MINDY2: variants seen among roughly 807,000 people sequenced by gnomAD.
The protein encoded by MINDY2 is MINDY lysine 48 deubiquitinase 2.
In MINDY2, 52 loss-of-function variants were observed where a neutral mutation model predicts 68.2. The observed-to-expected ratio is 0.76, with a 90% CI of 0.61 to 0.96. MINDY2 has a LOEUF of 0.96. MINDY2 is among the 40% of genes least tolerant of loss of function. The pLI, the probability that MINDY2 is intolerant of heterozygous loss-of-function variation, is 0.00. For synonymous variants in MINDY2, 372 were observed against 303.0 expected, an observed-to-expected ratio of 1.23 and a Z score of -2.36; for missense variants, 881 against 773.4, an observed-to-expected ratio of 1.14 and a Z score of -1.65.
chr15:58,832,005 AT>A, intron 6 of MINDY2, 89 bp downstream of exon 6: 2 of 1,163,818 alleles, frequency 1.7e-6, no homozygotes, highest in Non-Finnish European at 2.3e-6. Flanking sequence ...TAAATAAAAG[AT>A]TTTAGCGTAA....
At chr15:58,776,949 A>C (rs1389301527) in intron 1 of MINDY2, among the ~76,000 whole-genome samples, 2 of 152,198 alleles carry the variant, frequency 1.3e-5, no homozygotes, top group South Asian at 2.1e-4. Context: ...TTGAACTAAT[A>C]AGTAGTAACT....
At chr15:58,800,664 T>C (rs75618038) in intron 2 of MINDY2, among the ~76,000 whole-genome samples, 1 of 141,094 alleles carries the variant, frequency 7.1e-6, no homozygotes, top group Non-Finnish European at 1.6e-5. Flanking sequence ...CCAGTTTAGC[T>C]TTTTTTTTTT....
chr15:58,809,719 A>G (rs1347850973), intron 3 of MINDY2, among the ~76,000 whole-genome samples: 2 of 152,200 alleles, frequency 1.3e-5, no homozygotes, highest in East Asian at 1.9e-4. Flanking sequence ...ATTGTTTTAT[A>G]TATATACATG....
chr15:58,855,661 C>T lies in MINDY2; in HGVS notation c.*1051C>T, dbSNP rs1414620017. 1 of 152,500 alleles carries T rather than the reference C, an allele frequency of 6.6e-6. No individual in the cohort carries two copies. The highest frequency in any genetic ancestry group is 1.5e-5 in the Non-Finnish European group (1 of 68,062). The allele number at this position is 152,500 out of a possible 1,614,324, so 9.4% of individuals were successfully genotyped here. A position where few individuals can be genotyped will look rare whatever the true frequency, so the allele number is the denominator to read the frequency against. ...AAGGGCCGGGCGCAGTGGCTCACGC[C>T]TGTAATCCCAACATTTTGGGAGGCC... On this transcript the variant is annotated 3_prime_UTR_variant, in exon 9 of 9. Transcript: ENST00000559228.
chr15:58,812,003 A>G (rs2030311690), intron 4 of MINDY2, among the ~76,000 whole-genome samples: 1 of 152,230 alleles, frequency 6.6e-6, no homozygotes, highest in Admixed American at 6.5e-5. Context: ...GTAAACTTTA[A>G]AAGAAAAAGA....
At chr15:58,840,897 T>C (rs1472673928) in intron 6 of MINDY2, among the ~76,000 whole-genome samples, 5 of 149,570 alleles carry the variant, frequency 3.3e-5, no homozygotes, top group African/African-American at 1.2e-4. Context: ...CTCGATCTCC[T>C]GACCTCGTGA....
chr15:58,783,243 G>A (rs1434447157), intron 1 of MINDY2, among the ~76,000 whole-genome samples: 1 of 152,088 alleles, frequency 6.6e-6, no homozygotes, highest in Non-Finnish European at 1.5e-5. Flanking sequence ...TTTCTAAAGA[G>A]CAGAGACTGG....
intron 3 of MINDY2, among the ~76,000 whole-genome samples, chr15:58,809,073 A>G (rs150914375): frequency 2.2e-4 from 33 of 152,306 alleles, no homozygotes; most frequent in African/African-American, 7.9e-4. Flanking sequence ...TTAGCTGGGC[A>G]TGTTAGCATA....
chr15:58,835,484 C>T (rs59851506), intron 6 of MINDY2, among the ~76,000 whole-genome samples: 1,885 of 152,162 alleles, frequency 0.012, 37 homozygotes, highest in African/African-American at 0.036. Flanking sequence ...GAAACCCCGT[C>T]TTTACTAAAA....
rs544669057 is a variant in MINDY2 at position 58,771,753 on chromosome 15, G to A, written c.358G>A (p.Gly120Ser). The A allele has an allele frequency of 3.3e-4, 531 of 1,611,570 alleles. 7 individuals are homozygous for A. The South Asian group carries it at 5.5e-3, about 17-fold the overall frequency. Reference protein sequence around the residue: ...ASPETAVAGVGHELGTAGDAG... With the variant: ...ASPETAVAGVSHELGTAGDAG... ...CCCGGAGACAGCCGTGGCCGGAGTGGGTCATGAGTTGGGTACCGCCGGAGA... is the reference window on the plus strand; with the variant it reads ...CCCGGAGACAGCCGTGGCCGGAGTGAGTCATGAGTTGGGTACCGCCGGAGA... The change falls in exon 1 of 9, where the codon GGT becomes AGT. Residue 120 changes from glycine to serine, a missense_variant. By Grantham distance (56) the Gly-to-Ser change is moderately conservative. Transcript: ENST00000559228.
chr15:58,829,215 G>C (rs146873292), intron 5 of MINDY2, among the ~76,000 whole-genome samples: 5 of 152,152 alleles, frequency 3.3e-5, no homozygotes, highest in African/African-American at 1.2e-4. Flanking sequence ...TTAAAACTAG[G>C]TTAGCCTTTT....
At chr15:58,818,076 T>C (rs1595746354) in intron 4 of MINDY2, among the ~76,000 whole-genome samples, 1 of 152,348 alleles carries the variant, frequency 6.6e-6, no homozygotes, top group East Asian at 1.9e-4. Flanking sequence ...AACATCTGCA[T>C]ACCACTATAT....
chr15:58,791,024 C>CA (rs1444746138), intron 2 of MINDY2, among the ~76,000 whole-genome samples: 2 of 150,830 alleles, frequency 1.3e-5, no homozygotes, highest in African/African-American at 4.9e-5. Flanking sequence ...CTAAAAAATA[C>CA]AAAAAATTAG....
At chr15:58,779,432 C>A (rs1181566543) in intron 1 of MINDY2, among the ~76,000 whole-genome samples, 2 of 152,194 alleles carry the variant, frequency 1.3e-5, no homozygotes, top group African/African-American at 2.4e-5. Context: ...CACATACTCT[C>A]CTAGTTTCCA....
Position 58,814,839 on chromosome 15 carries a change from C to T in MINDY2, c.1122+4451C>T, listed in dbSNP as rs1157407567. ...AGAAACGGCGTGTCACTGTATGACA[C>T]GCTTGAACTCCCAGGCTGGTCTTGA... On this transcript the variant is annotated intron_variant, in intron 4 of 8. Transcript: ENST00000559228. 4.7e-4 allele frequency among the ~76,000 whole-genome samples: 68 copies of T among 145,364 alleles called. 1 individual carries two copies. Among genetic ancestry groups the T allele is most frequent in the African/African-American group, 1.6e-3 (62 of 39,214 alleles).
At chr15:58,796,151 TG>T in intron 2 of MINDY2, 1 of 455,768 alleles carries the variant, frequency 2.2e-6, no homozygotes, top group African/African-American at 2.0e-5. Context: ...TGGGTACAAA[TG>T]GGTATGGGAA....
At chr15:58,785,417 A>G (rs1212311516) in intron 1 of MINDY2, among the ~76,000 whole-genome samples, 1 of 152,192 alleles carries the variant, frequency 6.6e-6, no homozygotes, top group East Asian at 1.9e-4. Flanking sequence ...AGGATCAGAT[A>G]GTAAATACTA....
intron 6 of MINDY2, among the ~76,000 whole-genome samples, chr15:58,845,638 A>G (rs540796474): frequency 6.6e-6 from 1 of 152,226 alleles, no homozygotes; most frequent in Non-Finnish European, 1.5e-5. Context: ...AACAGTTTAG[A>G]GGTTCCTCAA....
At chr15:58,841,872 C>T (rs1423629532) in intron 6 of MINDY2, among the ~76,000 whole-genome samples, 2 of 152,048 alleles carry the variant, frequency 1.3e-5, no homozygotes, top group Non-Finnish European at 2.9e-5. Context: ...CCATTTCTGT[C>T]CTAGAAACAG....
Sources: gnomAD v4.1 joint callset for allele counts (sites outside exome capture counted in the v4.1 genomes callset) on GRCh38, gnomAD v4.1.1 for gene constraint, MANE v1.5 for transcripts, NCBI Gene and HGNC (gene_info 2026-07-23, HGNC 2026-07-21) for gene names.